The following DAB1 variants were observed in gnomAD, a reference collection of about 807,000 sequenced individuals.
DAB1 encodes DAB adaptor protein 1, also known as disabled homolog 1.
DAB1 carries 15 observed loss-of-function variants against 64.6 expected under a neutral mutation model. That is an observed-to-expected ratio of 0.23 (90% CI 0.16 to 0.36). DAB1 has a LOEUF of 0.36. DAB1 is among the 10% of genes least tolerant of loss of function. The probability of loss-of-function intolerance (pLI) is 1.00; values close to 1 mark genes in which losing one functional copy is unlikely to be tolerated. For missense variants in DAB1, 596 were observed against 706.7 expected, an observed-to-expected ratio of 0.84 and a Z score of 1.78; for synonymous variants, 235 against 251.9, an observed-to-expected ratio of 0.93 and a Z score of 0.64.
intron 9 of DAB1, among the ~76,000 whole-genome samples, chr1:57,048,134 G>C (rs1648760291): frequency 6.6e-6 from 1 of 152,176 alleles, no homozygotes; most frequent in Non-Finnish European, 1.5e-5. Context: ...GCACAAAGAA[G>C]TTTAAATAAC....
chr1:57,286,076 T>C (rs1672293073), intron 2 of DAB1, among the ~76,000 whole-genome samples: 1 of 152,258 alleles, frequency 6.6e-6, no homozygotes, highest in African/African-American at 2.4e-5. Context: ...TATTTTTCAC[T>C]ACTTACATCC....
At chr1:57,671,375 T>C (rs1570723959) in intron 6 of DAB1, among the ~76,000 whole-genome samples, 2 of 152,218 alleles carry the variant, frequency 1.3e-5, no homozygotes, top group African/African-American at 4.8e-5. Flanking sequence ...CAAATCTGCC[T>C]GCTAGATTTG....
intron 1 of DAB1, among the ~76,000 whole-genome samples, chr1:57,302,509 T>C (rs1324530215): frequency 2.6e-5 from 4 of 152,142 alleles, no homozygotes; most frequent in Non-Finnish European, 1.5e-5. Flanking sequence ...AGCTCCCGAA[T>C]GGGAGCTACA....
chr1:57,160,964 C>T (rs551438606), intron 2 of DAB1, among the ~76,000 whole-genome samples: 17 of 152,172 alleles, frequency 1.1e-4, no homozygotes, highest in South Asian at 2.1e-4. Flanking sequence ...GAGCAGGTGA[C>T]GCCTTTGCTG....
chr1:58,152,597 A>G (rs1444593258), intron 4 of DAB1, among the ~76,000 whole-genome samples: 2 of 152,226 alleles, frequency 1.3e-5, no homozygotes, highest in African/African-American at 4.8e-5. Context: ...CAAGGTTATC[A>G]TTAGGATTAC....
At position 57,260,299 on chromosome 1, in the gene DAB1, T is replaced by C. The variant is rs369454244; in HGVS notation, c.67+30665A>G. 6.1e-4 allele frequency among the ~76,000 whole-genome samples: 93 copies of C among 152,278 alleles called. 1 individual carries two copies. The South Asian group carries it at 0.017, about 28-fold the overall frequency. ...CTAATACTACGAGTGGGTAAAGCCCTCATTCACTGGGTGCTTACTGAGTGT... is the reference window on the plus strand; with the variant it reads ...CTAATACTACGAGTGGGTAAAGCCCCCATTCACTGGGTGCTTACTGAGTGT... On this transcript the variant is annotated intron_variant, in intron 2 of 14. Transcript: ENST00000371236.
chr1:57,389,980 C>A lies in DAB1; in HGVS notation c.-137+33950G>T, dbSNP rs1682207781. ...AAGTAATTTGCTCAAAGCCATACAG[C>A]TTTTAGTGCAGGGTCACAGTGTAAA... On this transcript the variant is annotated intron_variant, in intron 1 of 14. Coordinates refer to ENST00000371236, the MANE Select transcript of DAB1 (RefSeq NM_001365792.1). Among the ~76,000 whole-genome samples, 5 of 152,320 alleles carry A rather than the reference C, an allele frequency of 3.3e-5. 1 individual carries two copies. The South Asian group carries it at 1.0e-3, about 32-fold the overall frequency.
intron 4 of DAB1, among the ~76,000 whole-genome samples, chr1:58,316,189 T>G (rs12034622): frequency 0.027 from 4,149 of 152,296 alleles, 211 homozygotes; most frequent in East Asian, 0.23. Flanking sequence ...GTTGCAGTTT[T>G]TGTTTGTGTT....
At chr1:57,453,589 CTTT>C (rs1377742170) in intron 7 of DAB1, among the ~76,000 whole-genome samples, 1 of 152,104 alleles carries the variant, frequency 6.6e-6, no homozygotes, top group Non-Finnish European at 1.5e-5. Flanking sequence ...AATCCAATTT[CTTT>C]GAGTCCTCAG....
chr1:57,460,383 C>G (rs940497243), intron 7 of DAB1, among the ~76,000 whole-genome samples: 6 of 152,190 alleles, frequency 3.9e-5, no homozygotes, highest in African/African-American at 1.2e-4. Context: ...ACCCATCCAT[C>G]CTAGCCACAC....
intron 4 of DAB1, among the ~76,000 whole-genome samples, chr1:58,330,033 C>G (rs1662932702): frequency 6.6e-6 from 1 of 152,152 alleles, no homozygotes; most frequent in Non-Finnish European, 1.5e-5. Flanking sequence ...GTTAGAAAGG[C>G]ACATTGAAAG....
intron 5 of DAB1, among the ~76,000 whole-genome samples, chr1:58,141,748 G>C (rs1324837615): frequency 6.6e-6 from 1 of 152,174 alleles, no homozygotes; most frequent in African/African-American, 2.4e-5. Context: ...TTTGAGTTTT[G>C]AAGTAAAAAC....
At chr1:57,001,290 TTTTG>T (rs61581380) in intron 14 of DAB1, among the ~76,000 whole-genome samples, 7 of 152,092 alleles carry the variant, frequency 4.6e-5, no homozygotes, top group East Asian at 1.9e-4. Flanking sequence ...CTGTTGATGT[TTTTG>T]TTTGTTTGTT....
At chr1:57,536,533 TTAGTCAACCTGCCTGAGG>T (rs979450885) in intron 7 of DAB1, among the ~76,000 whole-genome samples, 1 of 152,054 alleles carries the variant, frequency 6.6e-6, no homozygotes, top group Non-Finnish European at 1.5e-5. Context: ...AGAGGCCCAC[TTAGTCAACCTGCCTGAGG>T]CAGTATCTCA....
intron 2 of DAB1, among the ~76,000 whole-genome samples, chr1:57,194,147 G>A (rs922426579): frequency 6.6e-6 from 1 of 152,202 alleles, no homozygotes; most frequent in African/African-American, 2.4e-5. Context: ...ATCATCTGGA[G>A]GGCTTGTTAA....
intron 2 of DAB1, among the ~76,000 whole-genome samples, chr1:57,238,860 T>TACAC (rs1281270538): frequency 9.0e-4 from 121 of 134,020 alleles, no homozygotes; most frequent in Middle Eastern, 3.6e-3. Context: ...CACACACACA[T>TACAC]ACACACACAC....
chr1:57,593,025 T>C (rs1042222973), intron 7 of DAB1, among the ~76,000 whole-genome samples: 11 of 152,344 alleles, frequency 7.2e-5, no homozygotes, highest in Admixed American at 2.6e-4. Context: ...GTCTTAACCA[T>C]GTGTAAGTGC....
intron 6 of DAB1, among the ~76,000 whole-genome samples, chr1:57,688,092 C>T (rs1446042780): frequency 1.3e-5 from 2 of 152,066 alleles, no homozygotes. Flanking sequence ...AGAGCTTCTG[C>T]ACAGCAAAAG....
chr1:57,171,850 T>C (rs1661799561), intron 2 of DAB1, among the ~76,000 whole-genome samples: 1 of 152,196 alleles, frequency 6.6e-6, no homozygotes, highest in Non-Finnish European at 1.5e-5. Context: ...TAAAATTAAG[T>C]GACAGGTGTA....
Sources: gnomAD v4.1 joint callset for allele counts (sites outside exome capture counted in the v4.1 genomes callset) on GRCh38, gnomAD v4.1.1 for gene constraint, MANE v1.5 for transcripts, NCBI Gene and HGNC (gene_info 2026-07-23, HGNC 2026-07-21) for gene names.